The following CD70 variants were observed in gnomAD, a reference collection of about 807,000 sequenced individuals.
CD70 encodes the protein CD70 molecule.
CD70 carries 6 observed loss-of-function variants against 9.0 expected under a neutral mutation model. That is an observed-to-expected ratio of 0.67 (90% CI 0.37 to 1.32). The LOEUF is 1.32. CD70 is among the 40% of genes most tolerant of loss of function. CD70 has a pLI of 0.02. For missense variants in CD70, 235 were observed against 258.7 expected (o/e 0.91, Z 0.63); for synonymous variants, 108 against 112.3 (o/e 0.96, Z 0.24).
chr19:6,584,144 TAAA>T (rs56703384), downstream of CD70, among the ~76,000 whole-genome samples: 1 of 133,572 alleles, frequency 7.5e-6, no homozygotes, highest in African/African-American at 2.8e-5. Context: ...CTTCTCATTG[TAAA>T]AAAAAAAAAA....
chr19:6,585,094 C>A (rs1476203029), downstream of CD70, among the ~76,000 whole-genome samples: 1 of 152,118 alleles, frequency 6.6e-6, no homozygotes, highest in Non-Finnish European at 1.5e-5. Context: ...TCAAGAGATT[C>A]TCCTGCCTCA....
chr19:6,583,978 A>G (rs1915968494), downstream of CD70, among the ~76,000 whole-genome samples: 1 of 150,840 alleles, frequency 6.6e-6, no homozygotes. Context: ...TTTTTAGTAG[A>G]GACGGGGTTT....
chr19:6,588,488 G>A (rs916129265), intron 2 of CD70, among the ~76,000 whole-genome samples: 1 of 152,238 alleles, frequency 6.6e-6, no homozygotes, highest in Non-Finnish European at 1.5e-5. Context: ...ACGCAAGCGT[G>A]CAGTAATTTT....
At chr19:6,583,941 G>C (rs1003439739), downstream of CD70, among the ~76,000 whole-genome samples, 1 of 151,258 alleles carries the variant, frequency 6.6e-6, no homozygotes, top group African/African-American at 2.4e-5. Flanking sequence ...TACAGGTGCC[G>C]GCCACCATGC....
At chr19:6,583,206 G>A (rs1377313613), downstream of CD70, 4 of 562,274 alleles carry the variant, frequency 7.1e-6, no homozygotes, top group Non-Finnish European at 9.6e-6. Flanking sequence ...GAATTGCCTC[G>A]GGCTTGTGAC....
chr19:6,590,732 C>T lies in CD70; in HGVS notation c.162+109G>A. On this transcript the variant is annotated intron_variant, in intron 1 of 2. Transcript: ENST00000245903. The surrounding 1 kb of genome is among the most constrained non-coding windows in gnomAD (Gnocchi z 5.3). ...CTCGCCTCCCTGTTCTGGTCTCTGT[C>T]TCTGCCCTACCAGATCTTCCTCTCT... 1 of 1,045,394 alleles carries T rather than the reference C, an allele frequency of 9.6e-7. No individual in the cohort carries two copies. Among genetic ancestry groups the T allele is most frequent in the Non-Finnish European group, 1.4e-6 (1 of 697,702 alleles). 64.8% of individuals were successfully genotyped at this position (1,045,394 alleles called of 1,614,324 possible).
chr19:6,582,404 G>A (rs930334487), downstream of CD70, among the ~76,000 whole-genome samples: 6 of 147,188 alleles, frequency 4.1e-5, no homozygotes, highest in African/African-American at 1.5e-4. Flanking sequence ...TGTGCACAAC[G>A]TGCAGATTTG....
chr19:6,586,260 G>C lies in CD70; in HGVS notation c.342C>G (p.Ile114Met), dbSNP rs983449250. 3 of 1,613,932 alleles carry C rather than the reference G, an allele frequency of 1.9e-6. No individual in the cohort carries two copies. Among genetic ancestry groups the C allele is most frequent in the African/African-American group, 2.7e-5 (2 of 74,910 alleles). Residue 114 changes from isoleucine (I) to methionine (M), a missense_variant, in exon 3 of 3, where the codon ATC becomes ATG. Physicochemically the swap from Ile to Met is conservative, Grantham distance 10. Coordinates refer to ENST00000245903, the MANE Select transcript of CD70 (RefSeq NM_001252.5). ...GCCTGGAGGCCGTCGTGGAGGAGCAGATGGCCAGCGTCACCTGGATGTGTA... is the reference window on the plus strand; with the variant it reads ...GCCTGGAGGCCGTCGTGGAGGAGCACATGGCCAGCGTCACCTGGATGTGTA... ...YMVHIQVTLA[I>M]CSSTTASRHH...
At chr19:6,588,220 C>T (rs344586) in intron 2 of CD70, among the ~76,000 whole-genome samples, 6 of 152,050 alleles carry the variant, frequency 3.9e-5, no homozygotes, top group Non-Finnish European at 8.8e-5. Context: ...TCCCCTGTCA[C>T]ACACTTAGGC....
downstream of CD70, among the ~76,000 whole-genome samples, chr19:6,582,150 C>A (rs1289971172): frequency 6.6e-6 from 1 of 151,860 alleles, no homozygotes; most frequent in Non-Finnish European, 1.5e-5. Context: ...CTGCATCAGC[C>A]TCCAAGTCGC....
rs768095389 is a variant in CD70, at chr19:6,590,065, CTCT to C, written c.196+35_196+37del. The C allele has an allele frequency of 1.0e-5, 16 of 1,582,120 alleles. No individual in the cohort carries two copies. The highest frequency in any genetic ancestry group is 1.7e-4 in the Middle Eastern group (1 of 6,038). On this transcript the variant is annotated intron_variant, in intron 2 of 2. Coordinates refer to ENST00000245903, the MANE Select transcript of CD70 (RefSeq NM_001252.5). The surrounding 1 kb of genome is among the most constrained non-coding windows in gnomAD (Gnocchi z 5.3). ...CCTCTCCTTCCTTCTCTCTCTGTGC[CTCT>C]TCTTCTCCCCGTCCCTCCACGTCCC...
chr19:6,583,459 G>C, downstream of CD70: 1 of 648,102 alleles, frequency 1.5e-6, no homozygotes, highest in Non-Finnish European at 2.8e-6. Context: ...TGAGTCCCCA[G>C]TTCCAAAATC....
intron 2 of CD70, among the ~76,000 whole-genome samples, chr19:6,588,010 G>C (rs753801620): frequency 1.4e-4 from 22 of 152,094 alleles, no homozygotes; most frequent in Non-Finnish European, 3.1e-4. Flanking sequence ...CAAGGTCCTC[G>C]GCTATATTTC....
rs1311310358 is a variant in CD70, at chr19:6,586,228, G to T, written c.374C>A (p.Pro125His). Residue 125 changes from proline to histidine, a missense_variant, in exon 3 of 3, where the codon CCC becomes CAC. Transcript: ENST00000245903. The stretch of plus-strand genomic sequence containing the variant: ...GCAGATTCCCACGGCCAGGGTGGTG[G>T]GGTGGTGCCTGGAGGCCGTCGTGGA... ...CSSTTASRHH[P>H]TTLAVGICSP... The T allele has an allele frequency of 6.2e-7, 1 of 1,614,092 alleles. No homozygotes were observed. The highest frequency in any genetic ancestry group is 1.7e-5 in the Admixed American group (1 of 60,024).
chr19:6,591,087 C>T lies in CD70; in HGVS notation c.-85G>A, dbSNP rs1916149619. On this transcript the variant is annotated 5_prime_UTR_variant, in exon 1 of 3. Coordinates refer to ENST00000245903, the MANE Select transcript of CD70 (RefSeq NM_001252.5). ...AGAAGGAAGGAAGGAAACTGCAGCCCCCTCCCGGGGCTCCTGGGCGTCTAC... is the reference window on the plus strand; with the variant it reads ...AGAAGGAAGGAAGGAAACTGCAGCCTCCTCCCGGGGCTCCTGGGCGTCTAC... 1 of 1,415,716 alleles carries T rather than the reference C, an allele frequency of 7.1e-7. No homozygotes were observed. The highest frequency in any genetic ancestry group is 2.5e-5 in the East Asian group (1 of 40,024). 87.7% of individuals were successfully genotyped at this position (1,415,716 alleles called of 1,614,324 possible). A position where few individuals can be genotyped will look rare whatever the true frequency, so the allele number is the denominator to read the frequency against.
At chr19:6,582,417 A>G (rs1915935914), downstream of CD70, among the ~76,000 whole-genome samples, 1 of 148,626 alleles carries the variant, frequency 6.7e-6, no homozygotes, top group Non-Finnish European at 1.5e-5. Flanking sequence ...CAGATTTGTT[A>G]CATATGTATA....
chr19:6,585,411 C>A (rs1915994401), downstream of CD70, among the ~76,000 whole-genome samples: 1 of 149,134 alleles, frequency 6.7e-6, no homozygotes, highest in South Asian at 2.1e-4. Flanking sequence ...GTGGCATGAT[C>A]ACGGCTCACT....
chr19:6,586,475 G>A, intron 2 of CD70, 70 bp from the exon 3 acceptor site: 1 of 1,462,146 alleles, frequency 6.8e-7, no homozygotes, highest in Non-Finnish European at 9.2e-7. Flanking sequence ...GGGTCATAGA[G>A]AAAGTCAGAT....
At position 6,586,380 on chromosome 19, in the gene CD70, G is replaced by GGGGTCC; in HGVS notation, c.221_222insGGACCC (p.Tyr74delinsTer). 6.2e-7 allele frequency: 1 copy of GGGGTCC among 1,611,682 alleles called. No homozygotes were observed. The highest frequency in any genetic ancestry group is 8.5e-7 in the Non-Finnish European group (1 of 1,179,390). On this transcript the variant is annotated stop_gained, in exon 3 of 3. Coordinates refer to ENST00000245903, the MANE Select transcript of CD70 (RefSeq NM_001252.5). LOFTEE classifies it low-confidence loss of function (END_TRUNC). The stretch of plus-strand genomic sequence containing the variant: ...GGCCCAGTGCTGGGCCCCCCTGCCA[G>GGGGTCC]TATAGCCTGGGGTCCTGCTGAGGTC...
Sources: gnomAD v4.1 joint callset for allele counts (sites outside exome capture counted in the v4.1 genomes callset) on GRCh38, gnomAD v4.1.1 for gene constraint, Gnocchi (gnomAD v3.1) non-coding constraint, MANE v1.5 for transcripts, NCBI Gene and HGNC (gene_info 2026-07-23, HGNC 2026-07-21) for gene names.